CACNA1B: variants seen among roughly 807,000 people sequenced by gnomAD.
The protein encoded by CACNA1B is voltage-dependent N-type calcium channel subunit alpha-1B.
A neutral mutation model predicts 247.2 loss-of-function variants in CACNA1B; 70 were observed. That is an observed-to-expected ratio of 0.28 (90% CI 0.23 to 0.35). The LOEUF is 0.35. CACNA1B is among the 10% of genes least tolerant of loss of function. CACNA1B has a pLI of 1.00. For synonymous variants in CACNA1B, 1,231 were observed against 1,294.4 expected (o/e 0.95, Z 1.05); for missense variants, 2,367 against 3,197.4 (o/e 0.74, Z 6.26).
chr9:138,103,104 GCCTTTTCTCCCT>G (rs1191841565), intron 38 of CACNA1B, among the ~76,000 whole-genome samples: 1 of 152,172 alleles, frequency 6.6e-6, no homozygotes, highest in Non-Finnish European at 1.5e-5. Flanking sequence ...CCTCCTCCCT[GCCTTTTCTCCCT>G]CCCTTCCTTT....
chr9:138,010,167 C>G lies in CACNA1B; in HGVS notation c.2160+90C>G. ...GAGTCTGGGTCCTGGGTTAGGGCCT[C>G]GTGTCCAGGAGCGTTGCCTTGGGTC... On this transcript the variant is annotated intron_variant, in intron 17 of 46. Coordinates refer to ENST00000371372, the MANE Select transcript of CACNA1B (RefSeq NM_000718.4). The surrounding 1 kb of genome is among the most constrained non-coding windows in gnomAD (Gnocchi z 5.3). 4 of 1,038,930 alleles carry G rather than the reference C, an allele frequency of 3.9e-6. No individual in the cohort carries two copies. The highest frequency in any genetic ancestry group is 6.0e-6 in the Non-Finnish European group (4 of 667,946). The allele number at this position is 1,038,930 out of a possible 1,614,324, so 64.4% of individuals were successfully genotyped here. A position where few individuals can be genotyped will look rare whatever the true frequency, so the allele number is the denominator to read the frequency against.
intron 23 of CACNA1B, among the ~76,000 whole-genome samples, chr9:138,048,743 G>T (rs1400784064): frequency 1.3e-5 from 2 of 152,142 alleles, no homozygotes; most frequent in Non-Finnish European, 2.9e-5. Flanking sequence ...TTGAGACAGG[G>T]TCTCACTCTT....
chr9:137,972,756 A>G (rs1958168701), intron 11 of CACNA1B, among the ~76,000 whole-genome samples: 1 of 152,168 alleles, frequency 6.6e-6, no homozygotes, highest in Non-Finnish European at 1.5e-5. Flanking sequence ...CAAACTTGAC[A>G]TTGAAATCTA....
At chr9:138,082,516 G>A (rs531838444) in intron 36 of CACNA1B, among the ~76,000 whole-genome samples, 1 of 151,276 alleles carries the variant, frequency 6.6e-6, no homozygotes, top group African/African-American at 2.4e-5. Context: ...AGCTCCCTTT[G>A]ATTGGCCAAA....
At position 137,972,468 on chromosome 9, in the gene CACNA1B, A is replaced by C. The variant is rs185652580; in HGVS notation, c.1543+876A>C. On this transcript the variant is annotated intron_variant, in intron 11 of 46. Transcript: ENST00000371372. Reference sequence around the variant, plus strand: ...CTGAAGCTGCCGAGGCACCCAGGAAAGCCTTTTCCGACTCCAGAGAAGAGC... The same window carrying C: ...CTGAAGCTGCCGAGGCACCCAGGAACGCCTTTTCCGACTCCAGAGAAGAGC... 4.7e-4 allele frequency among the ~76,000 whole-genome samples: 72 copies of C among 152,164 alleles called. 1 individual carries two copies. The highest frequency in any genetic ancestry group is 1.4e-3 in the Admixed American group (22 of 15,298).
chr9:138,021,038 G>C (rs948818485), intron 18 of CACNA1B, among the ~76,000 whole-genome samples: 3 of 152,244 alleles, frequency 2.0e-5, no homozygotes, highest in Non-Finnish European at 4.4e-5. Flanking sequence ...GGACTGGGAG[G>C]CTTGAGGCAG....
At chr9:138,025,733 C>T (rs1228794664) in intron 20 of CACNA1B, among the ~76,000 whole-genome samples, 2 of 152,192 alleles carry the variant, frequency 1.3e-5, no homozygotes, top group South Asian at 4.1e-4. Flanking sequence ...CCATGCCTGC[C>T]TGTGTGCAGT....
chr9:138,024,017 C>T (rs1220376899), intron 19 of CACNA1B, among the ~76,000 whole-genome samples: 4 of 152,186 alleles, frequency 2.6e-5, no homozygotes, highest in Non-Finnish European at 5.9e-5. Context: ...CTGTAAAAGG[C>T]TTGGCAGGGC....
At chr9:138,080,882 T>C (rs982242603) in intron 36 of CACNA1B, among the ~76,000 whole-genome samples, 1 of 152,110 alleles carries the variant, frequency 6.6e-6, no homozygotes, top group South Asian at 2.1e-4. Flanking sequence ...TGATGTGCAC[T>C]TGAGACAGGT....
chr9:138,052,075 TG>T lies in CACNA1B; in HGVS notation c.3711-15del. ...CATGCCTCCTGCCTGTCTGCATCTG[TG>T]GCTTCTCCCTTCTAGAGGATCCAAA... is the stretch of plus-strand genomic sequence containing the variant. On this transcript the variant is annotated splice_polypyrimidine_tract_variant and intron_variant, in intron 24 of 46. Transcript: ENST00000371372. This position sits in a 1 kb window ranked among gnomAD's most constrained non-coding sequence, Gnocchi z 5.1. 1 of 1,488,978 alleles carries T rather than the reference TG, an allele frequency of 6.7e-7. No individual in the cohort carries two copies. The highest frequency in any genetic ancestry group is 9.4e-7 in the Non-Finnish European group (1 of 1,068,348). The allele number at this position is 1,488,978 out of a possible 1,614,324, so 92.2% of individuals were successfully genotyped here.
At chr9:138,024,891 C>T (rs1958901082) in intron 19 of CACNA1B, 64 bp from the exon 20 acceptor site, 1 of 1,192,414 alleles carries the variant, frequency 8.4e-7, no homozygotes, top group Non-Finnish European at 1.2e-6. Flanking sequence ...GCCTCTGCCT[C>T]CCGGTGCCGG....
chr9:138,046,424 C>T (rs763812174), intron 21 of CACNA1B, among the ~76,000 whole-genome samples: 5 of 151,912 alleles, frequency 3.3e-5, no homozygotes, highest in Non-Finnish European at 7.3e-5. Context: ...GCAAGAGAGG[C>T]CTGCTCTCCG....
intron 34 of CACNA1B, among the ~76,000 whole-genome samples, chr9:138,075,056 T>G (rs1351034930): frequency 6.6e-6 from 1 of 152,226 alleles, no homozygotes; most frequent in Non-Finnish European, 1.5e-5. Context: ...TTATAAATCT[T>G]TGGCATCTGA....
intron 36 of CACNA1B, among the ~76,000 whole-genome samples, chr9:138,080,493 G>A (rs1484273427): frequency 6.6e-6 from 1 of 152,174 alleles, no homozygotes; most frequent in African/African-American, 2.4e-5. Flanking sequence ...CTGTTGATAA[G>A]CATGTTTAGT....
rs1589109810 is a variant in CACNA1B, at chr9:138,069,747, A to G, written c.4669-11A>G. The stretch of plus-strand genomic sequence containing the variant: ...TATGCAAATATCCATCCATGAAAAC[A>G]TCACATGTAGGAAACGGTTGGTTTC... On this transcript the variant is annotated splice_polypyrimidine_tract_variant and intron_variant, in intron 31 of 46. Coordinates refer to ENST00000371372, the MANE Select transcript of CACNA1B (RefSeq NM_000718.4). The G allele has an allele frequency of 2.5e-6, 4 of 1,607,190 alleles. No individual in the cohort carries two copies. The highest frequency in any genetic ancestry group is 2.2e-5 in the East Asian group (1 of 44,852).
At chr9:137,973,000 G>A (rs1958173843) in intron 11 of CACNA1B, among the ~76,000 whole-genome samples, 1 of 152,174 alleles carries the variant, frequency 6.6e-6, no homozygotes, top group Non-Finnish European at 1.5e-5. Flanking sequence ...TCCCACCCTT[G>A]GGGGTCAGGT....
rs150088128 is a variant in CACNA1B at position 138,116,923 on chromosome 9, T to C, written c.5778-1023T>C. Among the ~76,000 whole-genome samples, 104 of 152,300 alleles carry C rather than the reference T, an allele frequency of 6.8e-4. No homozygotes were observed. The East Asian group carries it at 8.5e-3, about 12-fold the overall frequency. On this transcript the variant is annotated intron_variant, in intron 42 of 46. Transcript: ENST00000371372. ...CTTGCAACTCTCAGAAGACAAAGGATGGGGCTTCTCAGAAGCCCCAGCAAC... is the reference window on the plus strand; with the variant it reads ...CTTGCAACTCTCAGAAGACAAAGGACGGGGCTTCTCAGAAGCCCCAGCAAC...
chr9:138,101,012 C>T (rs546942169), intron 37 of CACNA1B: 25 of 453,622 alleles, frequency 5.5e-5, no homozygotes, highest in Admixed American at 9.5e-5. Context: ...CACGCCTGCG[C>T]GAGGTCGGTC....
Position 138,073,931 on chromosome 9 carries a change from C to G in CACNA1B, c.4792-70C>G. 1 of 1,275,206 alleles carries G rather than the reference C, an allele frequency of 7.8e-7. No homozygotes were observed. Among genetic ancestry groups the G allele is most frequent in the Non-Finnish European group, 1.1e-6 (1 of 881,928 alleles). The allele number at this position is 1,275,206 out of a possible 1,614,324, so 79.0% of individuals were successfully genotyped here. The stretch of plus-strand genomic sequence containing the variant: ...GGTCTGTGTGACCTCAAAGGCCCAG[C>G]CACCGTAGCAGGAGGCCTGGGCGTG... On this transcript the variant is annotated intron_variant, in intron 33 of 46. Transcript: ENST00000371372. This position sits in a 1 kb window ranked among gnomAD's most constrained non-coding sequence, Gnocchi z 6.4.
Sources: allele counts gnomAD v4.1 joint callset (sites outside exome capture counted in the v4.1 genomes callset), GRCh38; gene constraint gnomAD v4.1.1; non-coding constraint Gnocchi (gnomAD v3.1); transcripts MANE v1.5; gene names NCBI Gene and HGNC (gene_info 2026-07-23, HGNC 2026-07-21).